The following ARMH4 variants were observed in gnomAD, a reference collection of about 807,000 sequenced individuals.
The protein encoded by ARMH4 is armadillo like helical domain containing 4.
In ARMH4, 49 loss-of-function variants were observed where a neutral mutation model predicts 61.9. The ratio of observed to expected loss-of-function variants is 0.79; its 90% CI spans 0.63 to 1.00. The LOEUF is 1.00. ARMH4 is among the 50% of genes least tolerant of loss of function. The pLI, the probability that ARMH4 is intolerant of heterozygous loss-of-function variation, is 0.00. For synonymous variants in ARMH4, 368 were observed against 341.5 expected (o/e 1.08, Z -0.85); for missense variants, 934 against 930.0 (o/e 1.00, Z -0.06).
intron 5 of ARMH4, among the ~76,000 whole-genome samples, chr14:58,065,154 A>G (rs558392673): frequency 2.0e-5 from 3 of 152,178 alleles, no homozygotes; most frequent in Non-Finnish European, 4.4e-5. Context: ...AGGCAGAAGA[A>G]TTGCTTGAAA....
intron 4 of ARMH4, among the ~76,000 whole-genome samples, chr14:58,122,111 T>C (rs1359720441): frequency 2.6e-5 from 4 of 152,168 alleles, no homozygotes; most frequent in Non-Finnish European, 5.9e-5. Flanking sequence ...TCGTGCCCAT[T>C]CTTAACACAG....
intron 3 of ARMH4, among the ~76,000 whole-genome samples, 185 bp downstream of exon 3, chr14:58,132,905 T>C (rs1232235330): frequency 1.3e-5 from 2 of 152,130 alleles, no homozygotes. Flanking sequence ...CTTTTAAGGC[T>C]CTGCCACACC....
chr14:58,129,403 C>T (rs1887009586), intron 4 of ARMH4, among the ~76,000 whole-genome samples: 2 of 152,048 alleles, frequency 1.3e-5, no homozygotes, highest in Non-Finnish European at 2.9e-5. Flanking sequence ...TGCTCCTGCC[C>T]CCTAGTGAAA....
At chr14:58,140,951 T>C (rs190926068) in intron 1 of ARMH4, among the ~76,000 whole-genome samples, 21 of 152,058 alleles carry the variant, frequency 1.4e-4, no homozygotes, top group Admixed American at 5.2e-4. Flanking sequence ...CCTTCCACCA[T>C]GTAGGACACA....
In ARMH4 at chr14:58,004,758, T is replaced by C; in HGVS notation, c.2303A>G (p.Asp768Gly). The part of the protein sequence containing the change: ...SMQDRVMLLA[D>G]SSEDEF ...AATTCAAAATTCATCTTCAGAGCTG[T>C]CGGCTAAGAGCATTACTCGATCTTG... Residue 768 changes from aspartate to glycine, a missense_variant, in exon 8 of 8, where the codon GAC becomes GGC. Transcript: ENST00000267485. 1.2e-6 allele frequency: 2 copies of C among 1,610,186 alleles called. No individual in the cohort carries two copies. Among genetic ancestry groups the C allele is most frequent in the African/African-American group, 1.3e-5 (1 of 75,002 alleles).
intron 6 of ARMH4, among the ~76,000 whole-genome samples, chr14:58,010,577 T>C (rs962899382): frequency 6.6e-6 from 1 of 151,944 alleles, no homozygotes; most frequent in Non-Finnish European, 1.5e-5. Context: ...ATGAGAAAGC[T>C]GGAAAAACTT....
Position 58,003,876 on chromosome 14 carries a change from G to GC in ARMH4, c.*859dup, listed in dbSNP as rs1566534526. 6.6e-6 allele frequency: 1 copy of GC among 152,150 alleles called. No individual in the cohort carries two copies. The highest frequency in any genetic ancestry group is 1.5e-5 in the Non-Finnish European group (1 of 68,028). The allele number at this position is 152,150 out of a possible 1,614,324, so 9.4% of individuals were successfully genotyped here. On this transcript the variant is annotated 3_prime_UTR_variant, in exon 8 of 8. Coordinates refer to ENST00000267485, the MANE Select transcript of ARMH4 (RefSeq NM_001001872.4). ...AGCCACATAAGCATAGAACCAAATG[G>GC]CAGACAGAAATGCTCTGAGAGCTTA...
intron 4 of ARMH4, among the ~76,000 whole-genome samples, chr14:58,103,524 C>T (rs1239842496): frequency 6.6e-6 from 1 of 151,676 alleles, no homozygotes; most frequent in African/African-American, 2.4e-5. Flanking sequence ...CCCGCCCCCC[C>T]CAAAAAAAAA....
chr14:58,073,000 G>A (rs999271308), intron 5 of ARMH4, among the ~76,000 whole-genome samples: 21 of 152,170 alleles, frequency 1.4e-4, no homozygotes, highest in African/African-American at 4.3e-4. Flanking sequence ...TGGCTACAGC[G>A]CCCCTCCTTG....
chr14:58,063,734 C>T (rs1006020853), intron 5 of ARMH4, among the ~76,000 whole-genome samples: 2 of 152,138 alleles, frequency 1.3e-5, no homozygotes, highest in African/African-American at 2.4e-5. Flanking sequence ...TCATGTCTTC[C>T]TTGATCAATA....
chr14:58,088,882 C>T (rs1456858936), intron 5 of ARMH4, among the ~76,000 whole-genome samples: 1 of 152,114 alleles, frequency 6.6e-6, no homozygotes, highest in African/African-American at 2.4e-5. Flanking sequence ...CAATGTACAG[C>T]AACACTTCTG....
Position 58,096,751 on chromosome 14 carries a change from C to A in ARMH4, c.2062G>T (p.Glu688Ter). 9 of 1,614,062 alleles carry A rather than the reference C, an allele frequency of 5.6e-6. No individual in the cohort carries two copies. The highest frequency in any genetic ancestry group is 7.6e-6 in the Non-Finnish European group (9 of 1,180,002). ...AGGCCTTGATTCTGCTGTTCCCACT[C>A]GAGGGCATCTGGCACCTGGTAGGTA... is the stretch of plus-strand genomic sequence containing the variant. ...GATYQVPDAL[E>*]WEQQNQGLVR... Residue 688 changes from glutamate (E) to a stop codon, truncating the protein, a stop_gained, in exon 5 of 8, where the codon GAG becomes TAG. Transcript: ENST00000267485. LOFTEE classifies it high-confidence loss of function.
intron 5 of ARMH4, among the ~76,000 whole-genome samples, chr14:58,042,670 T>C (rs533173768): frequency 1.3e-5 from 2 of 152,304 alleles, no homozygotes; most frequent in African/African-American, 2.4e-5. Flanking sequence ...AGCTGGTTTT[T>C]TGAACATATC....
intron 5 of ARMH4, among the ~76,000 whole-genome samples, chr14:58,042,262 A>G (rs539404039): frequency 5.1e-4 from 78 of 152,256 alleles, no homozygotes; most frequent in East Asian, 1.5e-3. Flanking sequence ...TCAGACCACA[A>G]TGCAATCAAA....
chr14:58,028,494 C>T (rs1176625582), intron 5 of ARMH4, among the ~76,000 whole-genome samples: 2 of 152,106 alleles, frequency 1.3e-5, no homozygotes, highest in African/African-American at 4.8e-5. Flanking sequence ...TTGATGTTCC[C>T]CTGGCTTGCT....
At chr14:58,116,826 CACA>C (rs938080592) in intron 4 of ARMH4, among the ~76,000 whole-genome samples, 2 of 152,246 alleles carry the variant, frequency 1.3e-5, no homozygotes, top group East Asian at 1.9e-4. Context: ...ATTTACTGCC[CACA>C]ACAACTCCTT....
At chr14:58,140,864 TCA>T (rs760689894) in intron 1 of ARMH4, among the ~76,000 whole-genome samples, 33 of 152,058 alleles carry the variant, frequency 2.2e-4, no homozygotes, top group Non-Finnish European at 4.3e-4. Context: ...GATCGCGCCA[TCA>T]CAGTCCAGCC....
intron 5 of ARMH4, among the ~76,000 whole-genome samples, chr14:58,078,864 T>C (rs1397202337): frequency 1.3e-5 from 2 of 152,262 alleles, no homozygotes; most frequent in African/African-American, 4.8e-5. Context: ...AGTTCCATTT[T>C]CTTGCCAGAA....
intron 5 of ARMH4, among the ~76,000 whole-genome samples, chr14:58,043,663 T>C (rs545219286): frequency 9.3e-4 from 141 of 152,318 alleles, no homozygotes; most frequent in Middle Eastern, 6.8e-3. Context: ...GGAAGTCCAA[T>C]TGTCCCTGTT....
Sources: allele counts gnomAD v4.1 joint callset (sites outside exome capture counted in the v4.1 genomes callset), GRCh38; gene constraint gnomAD v4.1.1; transcripts MANE v1.5; gene names NCBI Gene and HGNC (gene_info 2026-07-23, HGNC 2026-07-21).